CARD14: variants seen among roughly 807,000 people sequenced by gnomAD.
CARD14 encodes the protein caspase recruitment domain family member 14.
CARD14 carries 107 observed loss-of-function variants against 111.5 expected under a neutral mutation model. The observed-to-expected ratio is 0.96, with a 90% confidence interval of 0.82 to 1.13. The LOEUF (loss-of-function observed/expected upper bound fraction) is 1.13. CARD14 is among the 50% of genes most tolerant of loss of function. The pLI, the probability that CARD14 is intolerant of heterozygous loss-of-function variation, is 0.00. For missense variants in CARD14, 1,322 were observed against 1,362.3 expected (o/e 0.97, Z 0.47); for synonymous variants, 617 against 579.6 (o/e 1.06, Z -0.93).
intron 21 of CARD14, 103 bp from the exon 22 acceptor site, chr17:80,205,428 C>T (rs1287079445): frequency 6.8e-7 from 1 of 1,463,820 alleles, no homozygotes; most frequent in African/African-American, 1.4e-5. Flanking sequence ...AAGAGCTTCT[C>T]CCAGTGCTGG....
intron 20 of CARD14, chr17:80,204,825 C>A: frequency 1.9e-6 from 1 of 519,884 alleles, no homozygotes; most frequent in Non-Finnish European, 3.4e-6. Flanking sequence ...TGGAGAGCCA[C>A]AGAGCTGTGT....
rs1274089569 is a variant in CARD14 at position 80,189,639 on chromosome 17, T to C, written c.844-114T>C. ...CCTGCCCGGTGTAGAGTGGCAAGAC[T>C]GCATCCGTCCACACACCTGACCGTG... On this transcript the variant is annotated intron_variant, in intron 8 of 23. Coordinates refer to ENST00000648509, the MANE Select transcript of CARD14 (RefSeq NM_001366385.1). This position sits in a 1 kb window ranked among gnomAD's most constrained non-coding sequence, Gnocchi z 4.7. 22 of 1,290,362 alleles carry C rather than the reference T, an allele frequency of 1.7e-5. No individual in the cohort carries two copies. Among genetic ancestry groups the C allele is most frequent in the Middle Eastern group, 2.8e-4 (1 of 3,628 alleles). The allele number at this position is 1,290,362 out of a possible 1,614,324, so 79.9% of individuals were successfully genotyped here.
intron 7 of CARD14, chr17:80,187,693 T>TC (rs1398832802): frequency 4.2e-6 from 4 of 957,144 alleles, no homozygotes; most frequent in African/African-American, 1.8e-5. Flanking sequence ...CGTGCAGACT[T>TC]CCCGGGCTTG....
Position 80,198,475 on chromosome 17 carries a change from T to C in CARD14, c.1735T>C (p.Leu579=), listed in dbSNP as rs556825434. 11 of 1,613,274 alleles carry C rather than the reference T, an allele frequency of 6.8e-6. No homozygotes were observed. The highest frequency in any genetic ancestry group is 4.5e-5 in the East Asian group (2 of 44,870). The change falls in exon 16 of 24, where the codon TTG becomes CTG. Residue 579 remains leucine, a synonymous_variant. Transcript: ENST00000648509. The surrounding 1 kb of genome is among the most constrained non-coding windows in gnomAD (Gnocchi z 7.5). The part of the protein sequence containing the change: ...VTMLAFQGDA[L]LEQISVIGGN... ...CATGCTGGCGTTCCAGGGGGATGCATTGCTGGAGCAGATCAGCGTCATCGG... is the reference window on the plus strand; with the variant it reads ...CATGCTGGCGTTCCAGGGGGATGCACTGCTGGAGCAGATCAGCGTCATCGG...
chr17:80,196,524 C>T (rs1282067812), intron 14 of CARD14: 1 of 152,214 alleles, frequency 6.6e-6, no homozygotes, highest in Non-Finnish European at 1.5e-5. Flanking sequence ...ATCCAGAGTA[C>T]ACAGCTCATT....
chr17:80,204,825 C>T (rs1490199300), intron 20 of CARD14: 6 of 519,884 alleles, frequency 1.2e-5, no homozygotes. Flanking sequence ...TGGAGAGCCA[C>T]AGAGCTGTGT....
At position 80,198,481 on chromosome 17, in the gene CARD14, G is replaced by C. The variant is rs2144349776; in HGVS notation, c.1741G>C (p.Glu581Gln). 1.2e-6 allele frequency: 2 copies of C among 1,613,500 alleles called. No homozygotes were observed. The highest frequency in any genetic ancestry group is 2.7e-5 in the African/African-American group (2 of 75,066). The change falls in exon 16 of 24, where the codon GAG (glutamate) becomes CAG (glutamine). Residue 581 changes from glutamate (E) to glutamine (Q), a missense_variant. By Grantham distance (29) the Glu-to-Gln change is conservative. Transcript: ENST00000648509. The surrounding 1 kb of genome is among the most constrained non-coding windows in gnomAD (Gnocchi z 7.5). ...MLAFQGDALL[E>Q]QISVIGGNLT... ...GGCGTTCCAGGGGGATGCATTGCTG[G>C]AGCAGATCAGCGTCATCGGCGGGAA... is the stretch of plus-strand genomic sequence containing the variant.
Position 80,182,005 on chromosome 17 carries a change from T to C in CARD14, c.211+356T>C, listed in dbSNP as rs924057014. ...GTAATGGCTTTACTGTATACGGTTG[T>C]TAGGAGAAGCAAATGAGTTACTGTT... On this transcript the variant is annotated intron_variant, in intron 5 of 23. Transcript: ENST00000648509. This position sits in a 1 kb window ranked among gnomAD's most constrained non-coding sequence, Gnocchi z 4.7. Among the ~76,000 whole-genome samples the C allele has an allele frequency of 4.6e-5, 7 of 152,164 alleles. No homozygotes were observed. The highest frequency in any genetic ancestry group is 1.7e-4 in the African/African-American group (7 of 41,428).
At position 80,181,430 on chromosome 17, in the gene CARD14, C is replaced by T. The variant is rs765221523; in HGVS notation, c.-9C>T. 117 of 1,558,328 alleles carry T rather than the reference C, an allele frequency of 7.5e-5. 1 individual carries two copies. Among genetic ancestry groups the T allele is most frequent in the Non-Finnish European group, 9.6e-5 (111 of 1,151,200 alleles). On this transcript the variant is annotated 5_prime_UTR_variant, in exon 5 of 24. Coordinates refer to ENST00000648509, the MANE Select transcript of CARD14 (RefSeq NM_001366385.1). ...GCCACCCCTCCTAGGGTCCTCCCAG[C>T]GCCCAGCCATGGGGGAACTGTGCCG...
chr17:80,192,691 C>G, intron 12 of CARD14, 72 bp downstream of exon 12: 1 of 1,034,614 alleles, frequency 9.7e-7, no homozygotes, highest in East Asian at 2.4e-5. Context: ...TCTGTCAGGA[C>G]GAAAGTGAGC....
Position 80,188,116 on chromosome 17 carries a change from C to A in CARD14, c.676-261C>A. 2.0e-6 allele frequency: 1 copy of A among 496,154 alleles called. No individual in the cohort carries two copies. Among genetic ancestry groups the A allele is most frequent in the Non-Finnish European group, 2.9e-6 (1 of 348,574 alleles). 30.7% of individuals were successfully genotyped at this position (496,154 alleles called of 1,614,324 possible). ...GTTATCAAGGCCTCTTGGTCTATTC[C>A]TGGGACCCTAACCCTGGATGGAGTT... On this transcript the variant is annotated intron_variant, in intron 7 of 23. Coordinates refer to ENST00000648509, the MANE Select transcript of CARD14 (RefSeq NM_001366385.1). This position sits in a 1 kb window ranked among gnomAD's most constrained non-coding sequence, Gnocchi z 4.5.
At chr17:80,177,270 C>T (rs1421433558) in intron 2 of CARD14, among the ~76,000 whole-genome samples, 1 of 152,002 alleles carries the variant, frequency 6.6e-6, no homozygotes, top group South Asian at 2.1e-4. Flanking sequence ...GCTCTGTCGT[C>T]CAGGCTGGAG....
chr17:80,176,271 AAAC>A (rs1173352993), intron 2 of CARD14, among the ~76,000 whole-genome samples: 4 of 151,254 alleles, frequency 2.6e-5, no homozygotes, highest in Non-Finnish European at 2.9e-5. Context: ...TCTTTACAAA[AAAC>A]AACAACAACA....
rs1363652405 is a variant in CARD14, at chr17:80,189,237, G to A, written c.844-516G>A. 2.0e-5 allele frequency among the ~76,000 whole-genome samples: 3 copies of A among 152,180 alleles called. No homozygotes were observed. The highest frequency in any genetic ancestry group is 4.4e-5 in the Non-Finnish European group (3 of 68,030). On this transcript the variant is annotated intron_variant, in intron 8 of 23. Transcript: ENST00000648509. The surrounding 1 kb of genome is among the most constrained non-coding windows in gnomAD (Gnocchi z 4.7). ...CTGGGCCTCAGGTGCACTGGAGAGA[G>A]GGGGGCTCTGAAGTGGAGCAGTGAG...
Position 80,198,414 on chromosome 17 carries a change from G to T in CARD14, c.1674G>T (p.Arg558=), listed in dbSNP as rs1324004699. 1 of 1,603,962 alleles carries T rather than the reference G, an allele frequency of 6.2e-7. No homozygotes were observed. The highest frequency in any genetic ancestry group is 8.5e-7 in the Non-Finnish European group (1 of 1,173,386). ...CGGCCTGCAGCGGCGTCCTCATGCGGCGGAGGCCAGCCCGCAGGATCCTGA... is the reference window on the plus strand; with the variant it reads ...CGGCCTGCAGCGGCGTCCTCATGCGTCGGAGGCCAGCCCGCAGGATCCTGA... The part of the protein sequence containing the change: ...LDVSESGVLM[R]RRPARRILSQ... The change falls in exon 16 of 24, where the codon CGG becomes CGT. Residue 558 remains arginine (R), a synonymous_variant. Coordinates refer to ENST00000648509, the MANE Select transcript of CARD14 (RefSeq NM_001366385.1). The surrounding 1 kb of genome is among the most constrained non-coding windows in gnomAD (Gnocchi z 7.5).
chr17:80,187,084 C>T (rs533406973), intron 7 of CARD14, among the ~76,000 whole-genome samples: 28 of 152,358 alleles, frequency 1.8e-4, no homozygotes, highest in Middle Eastern at 3.4e-3. Context: ...CTCACCCATA[C>T]CTCTAATTCC....
Position 80,205,115 on chromosome 17 carries a change from C to G in CARD14, c.2479C>G (p.Pro827Ala). 1 of 1,613,670 alleles carries G rather than the reference C, an allele frequency of 6.2e-7. No homozygotes were observed. Among genetic ancestry groups the G allele is most frequent in the Non-Finnish European group, 8.5e-7 (1 of 1,179,888 alleles). Reference sequence around the variant, plus strand: ...GGTGCGGCCCCATCGACCCGCCCGGCCCCGGCCTGTGCTCCTCGTGCCCAG... The same window carrying G: ...GGTGCGGCCCCATCGACCCGCCCGGGCCCGGCCTGTGCTCCTCGTGCCCAG... ...TLVRPHRPAR[P>A]RPVLLVPRAV... The change falls in exon 21 of 24, where the codon CCC (proline) becomes GCC (alanine). Residue 827 changes from proline (P) to alanine (A), a missense_variant. Transcript: ENST00000648509.
At chr17:80,204,933 G>A (rs2041199496) in intron 20 of CARD14, 102 bp from the exon 21 acceptor site, 1 of 962,976 alleles carries the variant, frequency 1.0e-6, no homozygotes, top group African/African-American at 1.6e-5. Context: ...AGGTGCTGGG[G>A]CTGCTGCAGT....
Position 80,198,669 on chromosome 17 carries a change from C to G in CARD14, c.1851+78C>G. 6.2e-7 allele frequency: 1 copy of G among 1,607,546 alleles called. No individual in the cohort carries two copies. ...CAGCGGGTGGGGTGACCCAGGCAGA[C>G]TTCACCTCCCCCAGACGATGCAGAT... On this transcript the variant is annotated intron_variant, in intron 16 of 23. Coordinates refer to ENST00000648509, the MANE Select transcript of CARD14 (RefSeq NM_001366385.1). The surrounding 1 kb of genome is among the most constrained non-coding windows in gnomAD (Gnocchi z 7.5).
Sources: allele counts gnomAD v4.1 joint callset (sites outside exome capture counted in the v4.1 genomes callset), GRCh38; gene constraint gnomAD v4.1.1; non-coding constraint Gnocchi (gnomAD v3.1); transcripts MANE v1.5; gene names NCBI Gene and HGNC (gene_info 2026-07-23, HGNC 2026-07-21).